C5AR1: variants seen among roughly 807,000 people sequenced by gnomAD.
C5AR1 encodes the protein complement C5a receptor 1.
A neutral mutation model predicts 2.4 loss-of-function variants in C5AR1; 4 were observed. The ratio of observed to expected loss-of-function variants is 1.65; its 90% CI spans 0.81 to 3.77. C5AR1 has a LOEUF of 3.77. C5AR1 is among the 30% of genes most tolerant of loss of function. The pLI, the probability that C5AR1 is intolerant of heterozygous loss-of-function variation, is 0.01. For synonymous variants in C5AR1, 209 were observed against 210.4 expected (o/e 0.99, Z 0.06); for missense variants, 418 against 462.5 (o/e 0.90, Z 0.88).
chr19:47,314,643 C>T (rs2059280264), intron 1 of C5AR1, among the ~76,000 whole-genome samples: 1 of 152,228 alleles, frequency 6.6e-6, no homozygotes, highest in African/African-American at 2.4e-5. Context: ...GGTGATCCAC[C>T]CGCCTGGGCC....
chr19:47,313,528 C>A (rs1193320438), intron 1 of C5AR1, among the ~76,000 whole-genome samples: 1 of 151,468 alleles, frequency 6.6e-6, no homozygotes, highest in Non-Finnish European at 1.5e-5. Context: ...GTGGGTGGAT[C>A]ACGAGGTCAG....
chr19:47,309,614 A>T (rs1462732796), upstream of C5AR1, among the ~76,000 whole-genome samples: 1 of 150,080 alleles, frequency 6.7e-6, no homozygotes, highest in Non-Finnish European at 1.5e-5. Context: ...GATGGCCCCA[A>T]ATAGGGAAAC....
rs549725080 is a variant in C5AR1, at chr19:47,312,313, T to C, written c.3+2415T>C. On this transcript the variant is annotated intron_variant, in intron 1 of 1. Transcript: ENST00000355085. ...GTTGGCCAGGCTGGTCTTGAACTCCTGGCCCCAAGCAATCTTCCCGCCTTG... is the reference window on the plus strand; with the variant it reads ...GTTGGCCAGGCTGGTCTTGAACTCCCGGCCCCAAGCAATCTTCCCGCCTTG... Among the ~76,000 whole-genome samples, 333 of 152,300 alleles carry C rather than the reference T, an allele frequency of 2.2e-3. 3 individuals are homozygous for C. The highest frequency in any genetic ancestry group is 7.5e-3 in the African/African-American group (312 of 41,562).
rs200481036 is a variant in C5AR1, at chr19:47,320,281, C to G, written c.504C>G (p.Thr168=). ...CTTGGGGTTTAGCCCTGCTGCTGACCATACCCTCCTTCCTGTACCGGGTGG... is the reference window on the plus strand; with the variant it reads ...CTTGGGGTTTAGCCCTGCTGCTGACGATACCCTCCTTCCTGTACCGGGTGG... ...AVAWGLALLL[T]IPSFLYRVVR... is the part of the protein sequence containing the mutation. Residue 168 remains threonine (T), a synonymous_variant, in exon 2 of 2, where the codon ACC becomes ACG. Coordinates refer to ENST00000355085, the MANE Select transcript of C5AR1 (RefSeq NM_001736.4). The surrounding 1 kb of genome is among the most constrained non-coding windows in gnomAD (Gnocchi z 4.9). 3.1e-6 allele frequency: 5 copies of G among 1,613,186 alleles called. No homozygotes were observed. Among genetic ancestry groups the G allele is most frequent in the Non-Finnish European group, 4.2e-6 (5 of 1,180,030 alleles).
chr19:47,308,069 C>T (rs779521876), upstream of C5AR1, among the ~76,000 whole-genome samples: 10 of 151,612 alleles, frequency 6.6e-5, no homozygotes, highest in African/African-American at 9.7e-5. Flanking sequence ...AAAAATTAGC[C>T]GGGTGCAGTG....
rs1024931087 is a variant in C5AR1, at chr19:47,319,744, C to T, written c.4-37C>T. 14 of 1,389,288 alleles carry T rather than the reference C, an allele frequency of 1.0e-5. No homozygotes were observed. The African/African-American group carries it at 1.1e-4, about 11-fold the overall frequency. The allele number at this position is 1,389,288 out of a possible 1,614,324, so 86.1% of individuals were successfully genotyped here. On this transcript the variant is annotated intron_variant, in intron 1 of 1. Coordinates refer to ENST00000355085, the MANE Select transcript of C5AR1 (RefSeq NM_001736.4). ...TGCCCCCTACCCGGGCACATGTCTG[C>T]AGACTCATCCTCTCTGCTCTCTCCG...
rs1011115887 is a variant in C5AR1, at chr19:47,319,748, C to G, written c.4-33C>G. On this transcript the variant is annotated intron_variant, in intron 1 of 1. Coordinates refer to ENST00000355085, the MANE Select transcript of C5AR1 (RefSeq NM_001736.4). ...CCCTACCCGGGCACATGTCTGCAGA[C>G]TCATCCTCTCTGCTCTCTCCGATTC... The G allele has an allele frequency of 5.7e-6, 8 of 1,411,704 alleles. No homozygotes were observed. The African/African-American group carries it at 7.0e-5, about 12-fold the overall frequency. The allele number at this position is 1,411,704 out of a possible 1,614,324, so 87.4% of individuals were successfully genotyped here. A position where few individuals can be genotyped will look rare whatever the true frequency, so the allele number is the denominator to read the frequency against.
chr19:47,308,354 G>T (rs763262502), upstream of C5AR1, among the ~76,000 whole-genome samples: 5 of 151,756 alleles, frequency 3.3e-5, no homozygotes, highest in Non-Finnish European at 7.4e-5. Context: ...GGACCATCTC[G>T]TTACAGGAAA....
intron 1 of C5AR1, among the ~76,000 whole-genome samples, chr19:47,314,400 ATTTAT>A (rs895416680): frequency 1.3e-5 from 2 of 151,884 alleles, no homozygotes; most frequent in African/African-American, 2.4e-5. Flanking sequence ...ATTTTACTTT[ATTTAT>A]TTTATTTTTG....
rs200327310 is a variant in C5AR1, at chr19:47,320,747, A to T, written c.970A>T (p.Thr324Ser). 1.5e-5 allele frequency: 24 copies of T among 1,614,030 alleles called. No individual in the cohort carries two copies. In the South Asian group the frequency reaches 2.6e-4, roughly 18 times the overall value. ...SLPSLLRNVLTEESVVRESKS... is the reference protein window; with the variant it reads ...SLPSLLRNVLSEESVVRESKS... ...CCCCAGCCTCCTCCGGAACGTGTTG[A>T]CTGAAGAGTCCGTGGTTAGGGAGAG... Residue 324 changes from threonine to serine, a missense_variant, in exon 2 of 2, where the codon ACT (threonine) becomes TCT (serine). Coordinates refer to ENST00000355085, the MANE Select transcript of C5AR1 (RefSeq NM_001736.4). This position sits in a 1 kb window ranked among gnomAD's most constrained non-coding sequence, Gnocchi z 4.9.
chr19:47,313,900 G>C (rs1374739348), intron 1 of C5AR1, among the ~76,000 whole-genome samples: 1 of 152,238 alleles, frequency 6.6e-6, no homozygotes, highest in South Asian at 2.1e-4. Context: ...GTTGCAACAA[G>C]TAAGTCTCCT....
chr19:47,319,335 G>C (rs540137010), intron 1 of C5AR1, among the ~76,000 whole-genome samples: 1 of 144,732 alleles, frequency 6.9e-6, no homozygotes, highest in Non-Finnish European at 1.5e-5. Flanking sequence ...TTGAGACAGG[G>C]TCTCACTCTG....
upstream of C5AR1, chr19:47,309,856 G>C: frequency 6.2e-7 from 1 of 1,611,574 alleles, no homozygotes; most frequent in Non-Finnish European, 8.5e-7. Context: ...CCTTGGGCAG[G>C]AGGGACCTTC....
chr19:47,321,743 C>T lies in C5AR1; in HGVS notation c.*913C>T, dbSNP rs2059311642. On this transcript the variant is annotated 3_prime_UTR_variant, in exon 2 of 2. Coordinates refer to ENST00000355085, the MANE Select transcript of C5AR1 (RefSeq NM_001736.4). ...ATTGTAAGTAATGATACAGAGGGAT[C>T]TTGTGTACCCTTCACCCAGCCTCCC... 6.6e-6 allele frequency: 1 copy of T among 152,094 alleles called. No homozygotes were observed. Among genetic ancestry groups the T allele is most frequent in the Non-Finnish European group, 1.5e-5 (1 of 68,036 alleles). The allele number at this position is 152,094 out of a possible 1,614,324, so 9.4% of individuals were successfully genotyped here.
At chr19:47,309,841 A>G, upstream of C5AR1, 2 of 1,604,000 alleles carry the variant, frequency 1.2e-6, no homozygotes, top group Non-Finnish European at 1.7e-6. Flanking sequence ...TTTAAAAACC[A>G]CAGCCCTTGG....
chr19:47,315,152 G>T (rs2059282695), intron 1 of C5AR1, among the ~76,000 whole-genome samples: 1 of 152,178 alleles, frequency 6.6e-6, no homozygotes, highest in African/African-American at 2.4e-5. Context: ...CAAAGTGCTA[G>T]GATTACAGGC....
chr19:47,320,673 T>C lies in C5AR1; in HGVS notation c.896T>C (p.Ile299Thr). 1 of 1,614,168 alleles carries C rather than the reference T, an allele frequency of 6.2e-7. No homozygotes were observed. The highest frequency in any genetic ancestry group is 8.5e-7 in the Non-Finnish European group (1 of 1,180,028). ...AYINCCINPI[I>T]YVVAGQGFQG... ...ATCAACTGCTGCATCAACCCCATCA[T>C]CTACGTGGTGGCCGGCCAGGGCTTC... The change falls in exon 2 of 2, where the codon ATC (isoleucine) becomes ACC (threonine). Residue 299 changes from isoleucine to threonine, a missense_variant. By Grantham distance (89) the Ile-to-Thr change is moderately conservative. Coordinates refer to ENST00000355085, the MANE Select transcript of C5AR1 (RefSeq NM_001736.4). The surrounding 1 kb of genome is among the most constrained non-coding windows in gnomAD (Gnocchi z 4.9).
rs1187289483 is a variant in C5AR1 at position 47,319,761 on chromosome 19, C to T, written c.4-20C>T. 1.6e-5 allele frequency: 24 copies of T among 1,508,170 alleles called. No homozygotes were observed. Among genetic ancestry groups the T allele is most frequent in the Non-Finnish European group, 2.0e-5 (22 of 1,089,216 alleles). 93.4% of individuals were successfully genotyped at this position (1,508,170 alleles called of 1,614,324 possible). On this transcript the variant is annotated intron_variant, in intron 1 of 1. Transcript: ENST00000355085. ...CATGTCTGCAGACTCATCCTCTCTG[C>T]TCTCTCCGATTCCCCTTAGGACTCC... is the stretch of plus-strand genomic sequence containing the variant.
chr19:47,320,654 T>C lies in C5AR1; in HGVS notation c.877T>C (p.Cys293Arg). 3 of 1,614,200 alleles carry C rather than the reference T, an allele frequency of 1.9e-6. 1 individual carries two copies. The highest frequency in any genetic ancestry group is 2.5e-6 in the Non-Finnish European group (3 of 1,180,034). ...SLCVSFAYIN[C>R]CINPIIYVVA... is the part of the protein sequence containing the mutation. ...GTGTGTCTCCTTTGCCTACATCAAC[T>C]GCTGCATCAACCCCATCATCTACGT... Residue 293 changes from cysteine (C) to arginine (R), a missense_variant, in exon 2 of 2, where the codon TGC becomes CGC. Cys to Arg is a radical substitution (Grantham distance 180). Coordinates refer to ENST00000355085, the MANE Select transcript of C5AR1 (RefSeq NM_001736.4). This position sits in a 1 kb window ranked among gnomAD's most constrained non-coding sequence, Gnocchi z 4.9.
Sources: allele counts gnomAD v4.1 joint callset (sites outside exome capture counted in the v4.1 genomes callset), GRCh38; gene constraint gnomAD v4.1.1; non-coding constraint Gnocchi (gnomAD v3.1); transcripts MANE v1.5; gene names NCBI Gene and HGNC (gene_info 2026-07-23, HGNC 2026-07-21).